Variants in MACROD2 observed in about 807,000 individuals in gnomAD.
MACROD2 encodes the protein mono-ADP ribosylhydrolase 2, also known as ADP-ribose glycohydrolase MACROD2.
In MACROD2, 36 loss-of-function variants were observed where a neutral mutation model predicts 70.4. The observed-to-expected ratio is 0.51, with a 90% CI of 0.39 to 0.68. The LOEUF (loss-of-function observed/expected upper bound fraction) is 0.68, where lower values mean the gene tolerates loss of function less well. MACROD2 is among the 30% of genes least tolerant of loss of function. The probability of loss-of-function intolerance (pLI) is 0.00; values close to 1 mark genes in which losing one functional copy is unlikely to be tolerated. For synonymous variants in MACROD2, 172 were observed against 178.8 expected, an observed-to-expected ratio of 0.96 and a Z score of 0.30; for missense variants, 496 against 538.4, an observed-to-expected ratio of 0.92 and a Z score of 0.78.
Position 14,138,536 on chromosome 20 carries a change from G to A in MACROD2, c.271+52808G>A, listed in dbSNP as rs2054829600. ...ATACTGCAGGATCTCATTTATATGT[G>A]GAATCTAAAACAGTTGATCTCATAG... On this transcript the variant is annotated intron_variant, in intron 3 of 17. Transcript: ENST00000684519. Among the ~76,000 whole-genome samples, 4 of 152,006 alleles carry A rather than the reference G, an allele frequency of 2.6e-5. No individual in the cohort carries two copies. In the South Asian group the frequency reaches 8.3e-4, roughly 32 times the overall value.
intron 2 of MACROD2, among the ~76,000 whole-genome samples, chr20:14,055,521 A>AAG (rs2053622236): frequency 6.6e-6 from 1 of 151,848 alleles, no homozygotes; most frequent in Admixed American, 6.6e-5. Flanking sequence ...AAAAAAAAAA[A>AAG]AAAATACATA....
intron 3 of MACROD2, among the ~76,000 whole-genome samples, chr20:14,133,845 ACT>A (rs1265019055): frequency 6.6e-6 from 1 of 152,014 alleles, no homozygotes; most frequent in African/African-American, 2.4e-5. Flanking sequence ...CCCTTCAGGG[ACT>A]CTCTCAGCTG....
chr20:15,172,503 C>T (rs2076430219), intron 5 of MACROD2, among the ~76,000 whole-genome samples: 1 of 152,198 alleles, frequency 6.6e-6, no homozygotes, highest in Non-Finnish European at 1.5e-5. Context: ...CCTCCTGCCT[C>T]AGCCTCCTGA....
intron 8 of MACROD2, among the ~76,000 whole-genome samples, chr20:15,607,002 C>CA (rs35981862): frequency 0.22 from 20,753 of 95,734 alleles, 1,722 homozygotes; most frequent in Middle Eastern, 0.31. Flanking sequence ...AACTCCATCT[C>CA]AAAAAAAAAA....
intron 5 of MACROD2, among the ~76,000 whole-genome samples, chr20:15,129,177 A>AT (rs1438340931): frequency 1.3e-5 from 2 of 152,036 alleles, no homozygotes; most frequent in Non-Finnish European, 2.9e-5. Flanking sequence ...ATTTTGGAAA[A>AT]TTTTTTAAAA....
At chr20:14,818,254 C>G (rs1372702970) in intron 5 of MACROD2, among the ~76,000 whole-genome samples, 1 of 152,006 alleles carries the variant, frequency 6.6e-6, no homozygotes, top group East Asian at 1.9e-4. Flanking sequence ...CAGTGAAGAG[C>G]CACGGAAAAT....
At chr20:16,015,323 T>C (rs1234912998) in intron 15 of MACROD2, among the ~76,000 whole-genome samples, 2 of 152,152 alleles carry the variant, frequency 1.3e-5, no homozygotes, top group Non-Finnish European at 2.9e-5. Flanking sequence ...TTTTTTTCTA[T>C]TTTTTCCATC....
intron 5 of MACROD2, among the ~76,000 whole-genome samples, chr20:14,809,961 A>AG (rs1298466728): frequency 1.3e-5 from 2 of 151,746 alleles, no homozygotes; most frequent in Non-Finnish European, 2.9e-5. Flanking sequence ...TACCAACCAA[A>AG]AAAAGGCCCA....
At chr20:14,928,815 C>G (rs911790866) in intron 5 of MACROD2, among the ~76,000 whole-genome samples, 1 of 152,166 alleles carries the variant, frequency 6.6e-6, no homozygotes, top group East Asian at 1.9e-4. Flanking sequence ...GTTGACAAAA[C>G]TGAATTTGAA....
chr20:15,134,572 G>A (rs1164505299), intron 5 of MACROD2, among the ~76,000 whole-genome samples: 1 of 152,080 alleles, frequency 6.6e-6, no homozygotes, highest in Non-Finnish European at 1.5e-5. Flanking sequence ...AAAGCAGTGT[G>A]TAGAGGGAAA....
rs112167197 is a variant in MACROD2 at position 16,050,203 on chromosome 20, G to A, written c.*327G>A. ...ATTGAACACTCACATGTGTATCCTGGCCCCTGTCTGCTTTCTTGGTTATTT... is the reference window on the plus strand; with the variant it reads ...ATTGAACACTCACATGTGTATCCTGACCCCTGTCTGCTTTCTTGGTTATTT... On this transcript the variant is annotated 3_prime_UTR_variant, in exon 18 of 18. Transcript: ENST00000684519. The A allele has an allele frequency of 5.4e-5, 11 of 203,366 alleles. No homozygotes were observed. Among genetic ancestry groups the A allele is most frequent in the African/African-American group, 2.3e-4 (10 of 42,844 alleles). The allele number at this position is 203,366 out of a possible 1,614,324, so 12.6% of individuals were successfully genotyped here.
chr20:14,120,358 A>G (rs1195948974), intron 3 of MACROD2, among the ~76,000 whole-genome samples: 3 of 152,170 alleles, frequency 2.0e-5, no homozygotes, highest in African/African-American at 7.2e-5. Flanking sequence ...TGATTATTAA[A>G]AAGTCAGGAA....
chr20:15,911,658 G>A (rs2147268198), intron 10 of MACROD2, among the ~76,000 whole-genome samples: 1 of 152,272 alleles, frequency 6.6e-6, no homozygotes, highest in Non-Finnish European at 1.5e-5. Context: ...TCAGTGTGGT[G>A]GGAGAAGTGA....
intron 5 of MACROD2, among the ~76,000 whole-genome samples, chr20:15,078,860 G>GT (rs1347189969): frequency 6.6e-6 from 1 of 152,006 alleles, no homozygotes; most frequent in African/African-American, 2.4e-5. Flanking sequence ...TGGTCAGGCT[G>GT]GTCACAGACT....
chr20:14,464,719 A>G (rs1305077632), intron 3 of MACROD2, among the ~76,000 whole-genome samples: 2 of 151,712 alleles, frequency 1.3e-5, no homozygotes, highest in Admixed American at 1.3e-4. Flanking sequence ...TGTCCCAGAG[A>G]TTCTGGTATG....
intron 5 of MACROD2, among the ~76,000 whole-genome samples, chr20:15,169,577 A>G (rs2076409028): frequency 6.6e-6 from 1 of 152,206 alleles, no homozygotes; most frequent in Non-Finnish European, 1.5e-5. Context: ...TGACCCAGTT[A>G]TTGCAGAGGG....
At chr20:14,008,477 A>G (rs549808290) in intron 2 of MACROD2, among the ~76,000 whole-genome samples, 1 of 152,348 alleles carries the variant, frequency 6.6e-6, no homozygotes, top group African/African-American at 2.4e-5. Flanking sequence ...CAGAGAGGAC[A>G]CAAACAGAGA....
chr20:15,780,945 A>G (rs1641386928), intron 8 of MACROD2, among the ~76,000 whole-genome samples: 1 of 152,066 alleles, frequency 6.6e-6, no homozygotes, highest in African/African-American at 2.4e-5. Context: ...GAATACATTG[A>G]ATGTATTTCT....
intron 5 of MACROD2, among the ~76,000 whole-genome samples, chr20:14,750,652 G>A (rs1378977454): frequency 1.3e-5 from 2 of 151,876 alleles, no homozygotes; most frequent in Non-Finnish European, 2.9e-5. Context: ...TAGAGATGGG[G>A]TTTTGCCATG....
Sources: allele counts gnomAD v4.1 joint callset (sites outside exome capture counted in the v4.1 genomes callset), GRCh38; gene constraint gnomAD v4.1.1; transcripts MANE v1.5; gene names NCBI Gene and HGNC (gene_info 2026-07-23, HGNC 2026-07-21).